The following AUTS2 variants were observed in gnomAD, a reference collection of about 807,000 sequenced individuals.
AUTS2 encodes autism susceptibility gene 2 protein.
In AUTS2, 17 loss-of-function variants were observed where a neutral mutation model predicts 112.4. The ratio of observed to expected loss-of-function variants is 0.15; its 90% confidence interval spans 0.10 to 0.23. AUTS2 has a LOEUF of 0.23. Among genes scored for constraint, AUTS2 ranks in the 10% least tolerant of loss-of-function variants. The pLI is 1.00. For synonymous variants in AUTS2, 751 were observed against 702.7 expected (o/e 1.07, Z -1.09); for missense variants, 1,510 against 1,701.6 (o/e 0.89, Z 1.98).
chr7:69,772,974 T>A (rs929948610), intron 1 of AUTS2, among the ~76,000 whole-genome samples: 8 of 152,184 alleles, frequency 5.3e-5, no homozygotes, highest in African/African-American at 1.7e-4. Flanking sequence ...AATTTATGCC[T>A]AAAGGTAGGT....
chr7:70,757,807 CTTTTTTTTTTTT>C (rs3974412), intron 6 of AUTS2, among the ~76,000 whole-genome samples: 2,483 of 60,802 alleles, frequency 0.041, 116 homozygotes, highest in African/African-American at 0.14. Context: ...TCCATGGCTT[CTTTTTTTTTTTT>C]TTTTTTTTTT....
At chr7:70,564,838 G>T (rs931791260) in intron 5 of AUTS2, among the ~76,000 whole-genome samples, 2 of 152,256 alleles carry the variant, frequency 1.3e-5, no homozygotes, top group Admixed American at 6.5e-5. Flanking sequence ...GGTAGCTCAC[G>T]CCTGTAATCC....
chr7:70,309,498 T>C (rs1183218720), intron 4 of AUTS2, among the ~76,000 whole-genome samples: 5 of 152,230 alleles, frequency 3.3e-5, no homozygotes, highest in Non-Finnish European at 7.3e-5. Context: ...CTACAGCTTG[T>C]GTCTCTAATA....
At chr7:70,388,426 A>G (rs938404906) in intron 4 of AUTS2, among the ~76,000 whole-genome samples, 1 of 152,222 alleles carries the variant, frequency 6.6e-6, no homozygotes, top group Non-Finnish European at 1.5e-5. Flanking sequence ...TTTAACTTCT[A>G]TAAAATATAG....
In AUTS2 at chr7:70,267,218, T is replaced by G. The variant is rs571219678; in HGVS notation, c.660+132647T>G. Among the ~76,000 whole-genome samples, 93 of 152,332 alleles carry G rather than the reference T, an allele frequency of 6.1e-4. 1 individual carries two copies. The highest frequency in any genetic ancestry group is 2.0e-3 in the African/African-American group (83 of 41,596). ...TATGAAATCCTCTCACATTTATCGCTGTTTAGTGCATGGAAATGGCATTTC... is the reference window on the plus strand; with the variant it reads ...TATGAAATCCTCTCACATTTATCGCGGTTTAGTGCATGGAAATGGCATTTC... On this transcript the variant is annotated intron_variant, in intron 4 of 18. Transcript: ENST00000342771.
intron 4 of AUTS2, 137 bp from the exon 5 acceptor site, chr7:70,435,615 T>C (rs536574011): frequency 5.9e-6 from 5 of 845,566 alleles, no homozygotes; most frequent in Middle Eastern, 2.3e-4. Flanking sequence ...AAACTCTTTC[T>C]TTCCAGGAAG....
At chr7:70,660,484 G>C (rs561377586) in intron 5 of AUTS2, among the ~76,000 whole-genome samples, 9 of 152,318 alleles carry the variant, frequency 5.9e-5, no homozygotes, top group African/African-American at 2.2e-4. Flanking sequence ...CATTTACCCA[G>C]GTACAACAGA....
At chr7:70,206,529 C>A (rs1810583254) in intron 4 of AUTS2, among the ~76,000 whole-genome samples, 1 of 152,052 alleles carries the variant, frequency 6.6e-6, no homozygotes, top group African/African-American at 2.4e-5. Flanking sequence ...TCTTAAGTAA[C>A]CTGGGATGTT....
chr7:70,751,983 C>T, intron 6 of AUTS2, among the ~76,000 whole-genome samples: 1 of 151,946 alleles, frequency 6.6e-6, no homozygotes, highest in East Asian at 1.9e-4. Flanking sequence ...CCTTGGCCTC[C>T]CAAAGTTCTG....
At chr7:70,091,833 T>A (rs1395600127) in intron 2 of AUTS2, among the ~76,000 whole-genome samples, 2 of 152,212 alleles carry the variant, frequency 1.3e-5, no homozygotes, top group South Asian at 4.1e-4. Context: ...ATACCCAACA[T>A]GTAGGAATAT....
At chr7:70,263,160 C>T (rs1019328014) in intron 4 of AUTS2, among the ~76,000 whole-genome samples, 1 of 151,830 alleles carries the variant, frequency 6.6e-6, no homozygotes, top group Non-Finnish European at 1.5e-5. Context: ...GTGGCAGTCT[C>T]CTAAAACGAT....
chr7:70,478,142 G>C (rs1797652479), intron 5 of AUTS2, among the ~76,000 whole-genome samples: 1 of 152,110 alleles, frequency 6.6e-6, no homozygotes, highest in African/African-American at 2.4e-5. Flanking sequence ...TTTATGTTCT[G>C]TTGTTCTGGT....
chr7:70,256,719 C>T (rs1256266942), intron 4 of AUTS2, among the ~76,000 whole-genome samples: 1 of 152,112 alleles, frequency 6.6e-6, no homozygotes, highest in African/African-American at 2.4e-5. Flanking sequence ...CCCTTTCTGC[C>T]TTCTGCTTTT....
chr7:70,159,660 T>C (rs1807972736), intron 4 of AUTS2, among the ~76,000 whole-genome samples: 1 of 152,188 alleles, frequency 6.6e-6, no homozygotes, highest in Non-Finnish European at 1.5e-5. Context: ...ATACCAAATT[T>C]ATGCATATTT....
At chr7:69,708,779 G>A (rs746284544) in intron 1 of AUTS2, among the ~76,000 whole-genome samples, 35 of 152,198 alleles carry the variant, frequency 2.3e-4, no homozygotes, top group Non-Finnish European at 1.3e-4. Context: ...GACACTTTAT[G>A]TTGTGGAGGT....
At position 70,411,568 on chromosome 7, in the gene AUTS2, T is replaced by TA. The variant is rs1008802364; in HGVS notation, c.661-24174dup. On this transcript the variant is annotated intron_variant, in intron 4 of 18. Transcript: ENST00000342771. ...ATGTTGAAGCTTGCCTGGTCACATT[T>TA]AAAAAAAAAAGTGTCATTTTAATCA... Among the ~76,000 whole-genome samples, 65 of 148,530 alleles carry TA rather than the reference T, an allele frequency of 4.4e-4. No homozygotes were observed. In the Middle Eastern group the frequency reaches 0.021, roughly 49 times the overall value.
intron 4 of AUTS2, among the ~76,000 whole-genome samples, chr7:70,247,860 A>ATTTTGTTTTG (rs1030356899): frequency 2.0e-5 from 3 of 152,050 alleles, no homozygotes; most frequent in Non-Finnish European, 4.4e-5. Flanking sequence ...TAAATATGGT[A>ATTTTGTTTTG]TTTTGTTTTG....
intron 5 of AUTS2, among the ~76,000 whole-genome samples, chr7:70,502,628 C>A (rs1205380860): frequency 6.6e-6 from 1 of 152,186 alleles, no homozygotes; most frequent in Non-Finnish European, 1.5e-5. Context: ...ATCCAGAGGT[C>A]ATGACTCCCA....
intron 5 of AUTS2, among the ~76,000 whole-genome samples, chr7:70,537,861 T>G (rs1389197537): frequency 2.0e-5 from 3 of 152,182 alleles, no homozygotes; most frequent in Non-Finnish European, 4.4e-5. Context: ...GAAACCTGAC[T>G]GCCGAACAAA....
Sources: allele counts gnomAD v4.1 joint callset (sites outside exome capture counted in the v4.1 genomes callset), GRCh38; gene constraint gnomAD v4.1.1; transcripts MANE v1.5; gene names NCBI Gene and HGNC (gene_info 2026-07-23, HGNC 2026-07-21).